Variants in STXBP3 observed in about 807,000 individuals in gnomAD.
The protein encoded by STXBP3 is syntaxin-binding protein 3.
Under a neutral mutation model 85.7 loss-of-function variants are expected in STXBP3, and 41 were observed. The observed-to-expected ratio is 0.48, with a 90% confidence interval of 0.37 to 0.62. STXBP3 has a LOEUF of 0.62. Ranked by LOEUF, STXBP3 falls within the 20% of genes least tolerant of loss-of-function variation. The pLI is 0.00. For missense variants in STXBP3, 563 were observed against 703.1 expected, an observed-to-expected ratio of 0.80 and a Z score of 2.25; for synonymous variants, 229 against 231.7, an observed-to-expected ratio of 0.99 and a Z score of 0.10.
intron 12 of STXBP3, among the ~76,000 whole-genome samples, 200 bp downstream of exon 12, chr1:108,793,847 C>T (rs1663030311): frequency 6.6e-6 from 1 of 151,974 alleles, no homozygotes; most frequent in Admixed American, 6.6e-5. Context: ...CTAGATTTAT[C>T]TGAATCCAGC....
At position 108,799,930 on chromosome 1, in the gene STXBP3, C is replaced by CG. The variant is rs1342532739; in HGVS notation, c.1450-288dup. On this transcript the variant is annotated intron_variant, in intron 16 of 18. Coordinates refer to ENST00000370008, the MANE Select transcript of STXBP3 (RefSeq NM_007269.4). The stretch of plus-strand genomic sequence containing the variant: ...GACTGGAATAATGATTAGAGACCCC[C>CG]GGCACCATAGAACTAAAGGCTCTGA... Among the ~76,000 whole-genome samples, 3 of 152,090 alleles carry CG rather than the reference C, an allele frequency of 2.0e-5. No homozygotes were observed. The East Asian group carries it at 5.8e-4, about 29-fold the overall frequency.
intron 12 of STXBP3, 124 bp downstream of exon 12, chr1:108,793,771 C>T (rs888844394): frequency 4.3e-6 from 3 of 703,730 alleles, no homozygotes; most frequent in Non-Finnish European, 6.9e-6. Context: ...CCTCTAAAAC[C>T]TTACTATAGG....
chr1:108,792,669 C>T (rs187490949), intron 11 of STXBP3, among the ~76,000 whole-genome samples: 90 of 152,178 alleles, frequency 5.9e-4, no homozygotes, highest in Non-Finnish European at 1.1e-3. Context: ...TCCTGTTTCA[C>T]CTATTAATGT....
At chr1:108,780,830 G>GC (rs11459730) in intron 9 of STXBP3, 103,965 of 147,730 alleles carry the variant, frequency 0.7, 37,577 homozygotes, top group Non-Finnish European at 0.77. Context: ...GTGCAGTGGC[G>GC]CGATCTCTGC....
At position 108,782,464 on chromosome 1, in the gene STXBP3, A is replaced by G. The variant is rs1230496003; in HGVS notation, c.852A>G (p.Glu284=). Reference sequence around the variant, plus strand: ...AAGAAAAGGAGGCCATCCTTGAAGAAGAAGATGACCTCTGGGTTAGAATTC... The same window carrying G: ...AAGAAAAGGAGGCCATCCTTGAAGAGGAAGATGACCTCTGGGTTAGAATTC... ...DGKEKEAILE[E]EDDLWVRIRH... The change falls in exon 10 of 19, where the codon GAA becomes GAG. Residue 284 remains glutamate, a synonymous_variant. Coordinates refer to ENST00000370008, the MANE Select transcript of STXBP3 (RefSeq NM_007269.4). 13 of 1,613,862 alleles carry G rather than the reference A, an allele frequency of 8.1e-6. No individual in the cohort carries two copies. Among genetic ancestry groups the G allele is most frequent in the Non-Finnish European group, 1.1e-5 (13 of 1,179,866 alleles).
chr1:108,767,856 G>A (rs1216978071), intron 6 of STXBP3, among the ~76,000 whole-genome samples: 1 of 151,976 alleles, frequency 6.6e-6, no homozygotes, highest in Non-Finnish European at 1.5e-5. Context: ...CAAAGTGCTG[G>A]GACAGGCATG....
rs769312176 is a variant in STXBP3 at position 108,773,946 on chromosome 1, C to CT, written c.593+1128dup. Among the ~76,000 whole-genome samples the CT allele has an allele frequency of 5.3e-5, 8 of 152,220 alleles. No homozygotes were observed. The East Asian group carries it at 9.6e-4, about 18-fold the overall frequency. On this transcript the variant is annotated intron_variant, in intron 7 of 18. Coordinates refer to ENST00000370008, the MANE Select transcript of STXBP3 (RefSeq NM_007269.4). ...CCAAAATGAACATATCCATCTAACC[C>CT]TACCAAGGTCAAAAAAATAGAACAT...
intron 17 of STXBP3, among the ~76,000 whole-genome samples, chr1:108,801,954 A>G (rs1043514290): frequency 6.6e-6 from 1 of 152,050 alleles, no homozygotes; most frequent in Non-Finnish European, 1.5e-5. Flanking sequence ...TAGATGTGAG[A>G]CACTGCAGCC....
At chr1:108,803,558 G>A (rs576090829) in intron 17 of STXBP3, among the ~76,000 whole-genome samples, 14 of 152,110 alleles carry the variant, frequency 9.2e-5, no homozygotes, top group South Asian at 4.2e-4. Context: ...GCACGATCTC[G>A]GCTCACTACA....
chr1:108,749,724 A>T (rs1052868076), intron 1 of STXBP3, among the ~76,000 whole-genome samples: 1 of 152,158 alleles, frequency 6.6e-6, no homozygotes, highest in Non-Finnish European at 1.5e-5. Flanking sequence ...TCTTTTAGAC[A>T]ATAACACTGA....
intron 15 of STXBP3, among the ~76,000 whole-genome samples, chr1:108,797,362 G>A (rs1271906376): frequency 1.9e-4 from 25 of 129,060 alleles, no homozygotes; most frequent in East Asian, 3.5e-4. Flanking sequence ...AAAAAAAAAA[G>A]GCTCAAAGTC....
intron 4 of STXBP3, 118 bp from the exon 5 acceptor site, chr1:108,758,392 T>A: frequency 2.1e-6 from 1 of 469,946 alleles, no homozygotes; most frequent in Non-Finnish European, 3.6e-6. Context: ...TAAATTAAAC[T>A]TTTAGCCAGT....
intron 4 of STXBP3, among the ~76,000 whole-genome samples, chr1:108,757,768 T>C (rs2101105119): frequency 6.6e-6 from 1 of 152,182 alleles, no homozygotes; most frequent in African/African-American, 2.4e-5. Context: ...AGTTTATTGT[T>C]AGGAAATAAA....
intron 6 of STXBP3, among the ~76,000 whole-genome samples, chr1:108,763,985 G>C (rs1388539071): frequency 6.6e-6 from 1 of 151,984 alleles, no homozygotes; most frequent in Non-Finnish European, 1.5e-5. Context: ...CATCACCCAG[G>C]TACTAAGCCT....
At chr1:108,806,328 C>G (rs933565307) in intron 17 of STXBP3, among the ~76,000 whole-genome samples, 1 of 152,102 alleles carries the variant, frequency 6.6e-6, no homozygotes, top group Non-Finnish European at 1.5e-5. Flanking sequence ...AACTGAATTT[C>G]TTATTTCATT....
At chr1:108,755,888 G>T (rs1157328065) in intron 3 of STXBP3, among the ~76,000 whole-genome samples, 1 of 152,054 alleles carries the variant, frequency 6.6e-6, no homozygotes, top group African/African-American at 2.4e-5. Flanking sequence ...TATACATTTA[G>T]GAATGAGAAA....
intron 3 of STXBP3, among the ~76,000 whole-genome samples, chr1:108,755,978 C>G (rs146630341): frequency 8.7e-4 from 133 of 152,226 alleles, no homozygotes; most frequent in African/African-American, 2.9e-3. Flanking sequence ...TTTCTAGGCC[C>G]TTTGTCAACA....
chr1:108,766,688 T>C (rs963963316), intron 6 of STXBP3, among the ~76,000 whole-genome samples: 60 of 152,188 alleles, frequency 3.9e-4, no homozygotes, highest in African/African-American at 1.4e-3. Context: ...TAAAAGCAGT[T>C]GAGTTGGGAG....
chr1:108,807,115 G>GCA (rs1229640833), intron 17 of STXBP3, among the ~76,000 whole-genome samples: 23 of 152,204 alleles, frequency 1.5e-4, no homozygotes, highest in African/African-American at 4.3e-4. Context: ...AGCTGGGCAT[G>GCA]GTGGCACATG....
Sources: gnomAD v4.1 joint callset for allele counts (sites outside exome capture counted in the v4.1 genomes callset) on GRCh38, gnomAD v4.1.1 for gene constraint, MANE v1.5 for transcripts, NCBI Gene and HGNC (gene_info 2026-07-23, HGNC 2026-07-21) for gene names.